The following SPPL2B variants were observed in gnomAD, a reference collection of about 807,000 sequenced individuals.
SPPL2B encodes the protein signal peptide peptidase like 2B, also known as signal peptide peptidase-like 2B.
A neutral mutation model predicts 59.7 loss-of-function variants in SPPL2B; 39 were observed. The observed-to-expected ratio is 0.65, with a 90% CI of 0.51 to 0.85. The LOEUF (loss-of-function observed/expected upper bound fraction) is 0.85. Among genes scored for constraint, SPPL2B ranks in the 40% least tolerant of loss-of-function variants. The pLI, the probability that SPPL2B is intolerant of heterozygous loss-of-function variation, is 0.00. For missense variants in SPPL2B, 865 were observed against 849.0 expected (o/e 1.02, Z -0.23); for synonymous variants, 419 against 370.8 (o/e 1.13, Z -1.49).
intron 13 of SPPL2B, among the ~76,000 whole-genome samples, chr19:2,349,399 ACT>A (rs1599251955): frequency 1.3e-5 from 1 of 77,174 alleles, no homozygotes. Context: ...CTCCACACAC[ACT>A]CGTGTTCTCA....
chr19:2,341,221 C>T (rs1335173556), intron 8 of SPPL2B: 6 of 688,108 alleles, frequency 8.7e-6, no homozygotes, highest in Non-Finnish European at 1.6e-5. Flanking sequence ...TCATGGGAAC[C>T]CTGACTGGAA....
intron 14 of SPPL2B, 170 bp downstream of exon 14, chr19:2,351,764 C>A: frequency 1.5e-6 from 1 of 665,788 alleles, no homozygotes; most frequent in Non-Finnish European, 2.1e-6. Context: ...GGTGGAAGGA[C>A]GTGCGTGCAG....
At chr19:2,329,891 C>G (rs1490972551) in intron 1 of SPPL2B, among the ~76,000 whole-genome samples, 1 of 152,206 alleles carries the variant, frequency 6.6e-6, no homozygotes, top group Non-Finnish European at 1.5e-5. Context: ...TGCCCCTGGT[C>G]TCTGCAAGGC....
At chr19:2,346,942 G>A (rs1316073098) in intron 13 of SPPL2B, among the ~76,000 whole-genome samples, 1 of 152,140 alleles carries the variant, frequency 6.6e-6, no homozygotes, top group Admixed American at 6.5e-5. Flanking sequence ...GGAGCAGTGT[G>A]CTTGCTGGAC....
intron 13 of SPPL2B, among the ~76,000 whole-genome samples, chr19:2,350,228 TTC>T (rs558342418): frequency 2.9e-4 from 39 of 132,762 alleles, no homozygotes; most frequent in Admixed American, 3.9e-4. Context: ...CTTGATTCCG[TTC>T]TCTCTCCACA....
intron 1 of SPPL2B, among the ~76,000 whole-genome samples, chr19:2,334,114 C>T (rs1599198358): frequency 6.6e-6 from 1 of 152,250 alleles, no homozygotes; most frequent in South Asian, 2.1e-4. Context: ...GCAGTGCCCA[C>T]GGGGCTGTGG....
chr19:2,338,765 G>T lies in SPPL2B; in HGVS notation c.383G>T (p.Gly128Val). 6.2e-7 allele frequency: 1 copy of T among 1,613,116 alleles called. No homozygotes were observed. The highest frequency in any genetic ancestry group is 8.5e-7 in the Non-Finnish European group (1 of 1,179,454). Reference protein sequence around the residue: ...VSRERLVPPGGNKTQYDEIGI... With the variant: ...VSRERLVPPGVNKTQYDEIGI... ...CTGGGCCCCCAGGTCCCCCCGGGGGGTAATAAGACGCAGTATGATGAGATT... is the reference window on the plus strand; with the variant it reads ...CTGGGCCCCCAGGTCCCCCCGGGGGTTAATAAGACGCAGTATGATGAGATT... Residue 128 changes from glycine (G) to valine (V), a missense_variant, in exon 4 of 15, where the codon GGT becomes GTT. By Grantham distance (109) the Gly-to-Val change is moderately radical. Coordinates refer to ENST00000613503, the MANE Select transcript of SPPL2B (RefSeq NM_152988.3).
Position 2,351,498 on chromosome 19 carries a change from T to C in SPPL2B, c.1419T>C (p.Ala473=), listed in dbSNP as rs147955911. The C allele has an allele frequency of 4.3e-6, 7 of 1,610,742 alleles. No individual in the cohort carries two copies. In the East Asian group the frequency reaches 6.7e-5, roughly 15 times the overall value. Residue 473 remains alanine (A), a synonymous_variant, in exon 14 of 15, where the codon GCT becomes GCC. Coordinates refer to ENST00000613503, the MANE Select transcript of SPPL2B (RefSeq NM_152988.3). ...ALALMQRGQP[A]LLYLVPCTLV... is the part of the protein sequence containing the mutation. ...CCCTGATGCAGCGTGGCCAGCCCGC[T>C]CTCCTCTACCTGGTGCCCTGCACGC... is the stretch of plus-strand genomic sequence containing the variant.
chr19:2,349,797 C>CA (rs1969785259), intron 13 of SPPL2B, among the ~76,000 whole-genome samples: 1 of 113,546 alleles, frequency 8.8e-6, no homozygotes, highest in Non-Finnish European at 2.0e-5. Context: ...CACACACACT[C>CA]ACGCGCTCTC....
intron 8 of SPPL2B, chr19:2,341,430 G>T: frequency 2.2e-6 from 1 of 457,642 alleles, no homozygotes; most frequent in Non-Finnish European, 4.4e-6. Flanking sequence ...TGACTGCTGC[G>T]GCTTCTGAGC....
At chr19:2,339,727 G>T (rs967089168) in intron 5 of SPPL2B, 97 bp from the exon 6 acceptor site, 3 of 1,452,684 alleles carry the variant, frequency 2.1e-6, no homozygotes, top group East Asian at 4.9e-5. Flanking sequence ...TCCTGCTCCC[G>T]GGTTTTCTGC....
chr19:2,343,091 T>A, intron 8 of SPPL2B, 120 bp from the exon 9 acceptor site: 2 of 756,834 alleles, frequency 2.6e-6, no homozygotes, highest in South Asian at 3.2e-5. Context: ...CCTGGGCAGG[T>A]GGAAGGGCAG....
intron 13 of SPPL2B, among the ~76,000 whole-genome samples, chr19:2,346,537 T>C (rs1292002262): frequency 1.3e-5 from 2 of 152,076 alleles, no homozygotes; most frequent in Non-Finnish European, 2.9e-5. Flanking sequence ...CATGGTGACA[T>C]GTGCCTGTAG....
At position 2,338,715 on chromosome 19, in the gene SPPL2B, C is replaced by T. The variant is rs762222634; in HGVS notation, c.370-37C>T. 28 of 1,440,134 alleles carry T rather than the reference C, an allele frequency of 1.9e-5. No homozygotes were observed. The South Asian group carries it at 2.1e-4, about 11-fold the overall frequency. The allele number at this position is 1,440,134 out of a possible 1,614,324, so 89.2% of individuals were successfully genotyped here. ...AGAGCTGGGGGCCCACCCACTGCTG[C>T]GGGTGATGCCTGCCGCTCCCTCCTC... On this transcript the variant is annotated intron_variant, in intron 3 of 14. Transcript: ENST00000613503.
rs867842701 is a variant in SPPL2B, at chr19:2,351,610, C to T, written c.1515+16C>T. 3 of 1,595,864 alleles carry T rather than the reference C, an allele frequency of 1.9e-6. No individual in the cohort carries two copies. The highest frequency in any genetic ancestry group is 4.5e-5 in the East Asian group (2 of 44,472). On this transcript the variant is annotated intron_variant, in intron 14 of 14. Transcript: ENST00000613503. ...CGGCTTTGCGGTGAATACCAGTTTG[C>T]TCTGACTGTGAGAAATACTCGCCTA...
chr19:2,351,463 G>C lies in SPPL2B; in HGVS notation c.1384G>C (p.Val462Leu). The C allele has an allele frequency of 6.2e-7, 1 of 1,608,558 alleles. No individual in the cohort carries two copies. The highest frequency in any genetic ancestry group is 8.5e-7 in the Non-Finnish European group (1 of 1,178,354). Residue 462 changes from valine to leucine, a missense_variant, in exon 14 of 15, where the codon GTG becomes CTG. Coordinates refer to ENST00000613503, the MANE Select transcript of SPPL2B (RefSeq NM_152988.3). ...AYGVGLLVTFVALALMQRGQP... is the reference protein window; with the variant it reads ...AYGVGLLVTFLALALMQRGQP... The stretch of plus-strand genomic sequence containing the variant: ...TGGCGTTGGCCTCCTTGTGACATTC[G>C]TGGCACTGGCCCTGATGCAGCGTGG...
At chr19:2,350,527 C>T (rs747929455) in intron 13 of SPPL2B, among the ~76,000 whole-genome samples, 18 of 152,358 alleles carry the variant, frequency 1.2e-4, no homozygotes, top group African/African-American at 2.4e-4. Flanking sequence ...CACACACTCA[C>T]GCTCCCCCGT....
chr19:2,337,791 G>A (rs907358053), intron 3 of SPPL2B, 166 bp downstream of exon 3: 13 of 686,010 alleles, frequency 1.9e-5, no homozygotes, highest in African/African-American at 1.1e-4. Flanking sequence ...GATCCGGGCC[G>A]AGTGTGGCCG....
chr19:2,333,731 G>A (rs1273833736), intron 1 of SPPL2B, among the ~76,000 whole-genome samples: 1 of 152,212 alleles, frequency 6.6e-6, no homozygotes, highest in Non-Finnish European at 1.5e-5. Context: ...TGTGTCAGGG[G>A]CTCCTGCCCG....
Sources: allele counts gnomAD v4.1 joint callset (sites outside exome capture counted in the v4.1 genomes callset), GRCh38; gene constraint gnomAD v4.1.1; transcripts MANE v1.5; gene names NCBI Gene and HGNC (gene_info 2026-07-23, HGNC 2026-07-21).